The following COL26A1 variants were observed in gnomAD, a reference collection of about 807,000 sequenced individuals.
The protein encoded by COL26A1 is collagen type XXVI alpha 1 chain, also known as collagen alpha-1(XXVI) chain.
COL26A1 carries 41 observed loss-of-function variants against 59.3 expected under a neutral mutation model. The observed-to-expected ratio is 0.69, with a 90% CI of 0.54 to 0.90. The LOEUF is 0.90. COL26A1 is among the 40% of genes least tolerant of loss of function. The pLI, the probability that COL26A1 is intolerant of heterozygous loss-of-function variation, is 0.00. For synonymous variants in COL26A1, 266 were observed against 256.0 expected, an observed-to-expected ratio of 1.04 and a Z score of -0.37; for missense variants, 612 against 602.3, an observed-to-expected ratio of 1.02 and a Z score of -0.17.
At chr7:101,393,049 C>T (rs1791771848) in intron 1 of COL26A1, among the ~76,000 whole-genome samples, 1 of 147,208 alleles carries the variant, frequency 6.8e-6, no homozygotes, top group African/African-American at 2.5e-5. Context: ...ATTGCCCAGG[C>T]TGGAGTGCAG....
intron 11 of COL26A1, among the ~76,000 whole-genome samples, chr7:101,554,226 G>T (rs1562804025): frequency 6.6e-6 from 1 of 152,160 alleles, no homozygotes; most frequent in Non-Finnish European, 1.5e-5. Context: ...GCCTGAGCAG[G>T]GTTTCCCTTG....
At chr7:101,363,623 T>C (rs10248092) in intron 1 of COL26A1, among the ~76,000 whole-genome samples, 72,656 of 132,948 alleles carry the variant, frequency 0.55, 19,138 homozygotes, top group African/African-American at 0.69. Flanking sequence ...GCTGCGGGGC[T>C]GCGGGGTTGC....
At chr7:101,514,202 G>T (rs1004544375) in intron 3 of COL26A1, among the ~76,000 whole-genome samples, 3 of 152,024 alleles carry the variant, frequency 2.0e-5, no homozygotes, top group African/African-American at 7.2e-5. Flanking sequence ...GCCGGGCGTG[G>T]TGGCGGGTGC....
intron 1 of COL26A1, among the ~76,000 whole-genome samples, chr7:101,382,192 G>T (rs1791465386): frequency 6.6e-6 from 1 of 152,074 alleles, no homozygotes; most frequent in Non-Finnish European, 1.5e-5. Context: ...GGGACTGCAG[G>T]TGCATGCTAC....
chr7:101,459,709 G>A (rs116924955), intron 3 of COL26A1, among the ~76,000 whole-genome samples: 7,509 of 152,136 alleles, frequency 0.049, 255 homozygotes, highest in Non-Finnish European at 0.074. Flanking sequence ...TCAACCATCA[G>A]GAGATGATAA....
At chr7:101,536,896 T>C (rs892236471) in intron 4 of COL26A1, among the ~76,000 whole-genome samples, 6 of 152,178 alleles carry the variant, frequency 3.9e-5, no homozygotes, top group African/African-American at 1.4e-4. Context: ...TCACCTTGTA[T>C]GTAAAGGCAG....
rs1794373377 is a variant in COL26A1 at position 101,489,751 on chromosome 7, TGTCTCTCTTTCTTTCTTTCTTTC to T, written c.385+41965_385+41987del. On this transcript the variant is annotated intron_variant, in intron 3 of 12. Coordinates refer to ENST00000313669, the MANE Select transcript of COL26A1 (RefSeq NM_001278563.3). ...TCTCTCTCTTTCTCTCTTTCTTTCTTGTCTCTCTTTCTTTCTTTCTTTCTTTCTTTCTTTCTTTCTTTCTTTCT... is the reference window on the plus strand; with the variant it reads ...TCTCTCTCTTTCTCTCTTTCTTTCTTTTTCTTTCTTTCTTTCTTTCTTTCT... 3.5e-5 allele frequency among the ~76,000 whole-genome samples: 2 copies of T among 57,162 alleles called. 1 individual carries two copies. Among genetic ancestry groups the T allele is most frequent in the African/African-American group, 3.2e-4 (2 of 6,328 alleles). The allele number at this position is 57,162 out of a possible 152,430, so 37.5% of individuals were successfully genotyped here. A position where few individuals can be genotyped will look rare whatever the true frequency, so the allele number is the denominator to read the frequency against.
rs915256077 is a variant in COL26A1 at position 101,520,662 on chromosome 7, A to ACACACACACACACACACACACACACC, written c.386-12419_386-12418insACACACACACACACACACACACACCC. 5.7e-4 allele frequency among the ~76,000 whole-genome samples: 82 copies of ACACACACACACACACACACACACACC among 143,348 alleles called. 1 individual carries two copies. The highest frequency in any genetic ancestry group is 2.0e-3 in the African/African-American group (79 of 38,722). 94.0% of individuals were successfully genotyped at this position (143,348 alleles called of 152,430 possible). ...CACACACACACACACACACACACAC[A>ACACACACACACACACACACACACACC]CCCCCGTGTTCTTGCATGTTTTTGC... On this transcript the variant is annotated intron_variant, in intron 3 of 12. Transcript: ENST00000313669.
intron 3 of COL26A1, among the ~76,000 whole-genome samples, chr7:101,512,994 A>ATTT (rs869218380): frequency 4.3e-5 from 5 of 116,432 alleles, no homozygotes; most frequent in African/African-American, 7.9e-5. Flanking sequence ...CCTTTTTACA[A>ATTT]TTTTATTATT....
chr7:101,519,323 C>A (rs1489284840), intron 3 of COL26A1, among the ~76,000 whole-genome samples: 1 of 152,164 alleles, frequency 6.6e-6, no homozygotes, highest in East Asian at 1.9e-4. Flanking sequence ...TTTAGTTTTT[C>A]CCCTAGAGAC....
chr7:101,386,478 C>G (rs765424680), intron 1 of COL26A1, among the ~76,000 whole-genome samples: 4 of 152,038 alleles, frequency 2.6e-5, no homozygotes, highest in Non-Finnish European at 4.4e-5. Flanking sequence ...TGGAGTGCAG[C>G]GGTGCACCGC....
intron 3 of COL26A1, among the ~76,000 whole-genome samples, chr7:101,532,073 G>A (rs1795380940): frequency 6.6e-6 from 1 of 152,088 alleles, no homozygotes; most frequent in Non-Finnish European, 1.5e-5. Context: ...GACTTCTAGA[G>A]CAATAAAAGC....
chr7:101,502,519 C>G (rs1794726352), intron 3 of COL26A1, among the ~76,000 whole-genome samples: 1 of 152,208 alleles, frequency 6.6e-6, no homozygotes, highest in South Asian at 2.1e-4. Flanking sequence ...TAACAGGTCC[C>G]AGACTCAGAA....
chr7:101,472,965 T>A (rs1478238046), intron 3 of COL26A1, among the ~76,000 whole-genome samples: 3 of 152,244 alleles, frequency 2.0e-5, no homozygotes, highest in Non-Finnish European at 4.4e-5. Context: ...ATTTATTGCC[T>A]GGGCCTCTCA....
chr7:101,494,525 C>A (rs774376462), intron 3 of COL26A1, among the ~76,000 whole-genome samples: 1 of 152,228 alleles, frequency 6.6e-6, no homozygotes, highest in African/African-American at 2.4e-5. Flanking sequence ...TATTTCCTAT[C>A]AAAGTTCACC....
chr7:101,386,258 T>G (rs1051938618), intron 1 of COL26A1, among the ~76,000 whole-genome samples: 2 of 102,140 alleles, frequency 2.0e-5, no homozygotes, highest in African/African-American at 6.5e-5. Flanking sequence ...TCCTAGCTTG[T>G]TTTTTTTTTT....
chr7:101,384,919 G>A (rs1464538177), intron 1 of COL26A1, among the ~76,000 whole-genome samples: 3 of 152,068 alleles, frequency 2.0e-5, no homozygotes, highest in African/African-American at 4.8e-5. Flanking sequence ...AACCACTGGC[G>A]TACATTTAAG....
chr7:101,515,562 G>A (rs1022487604), intron 3 of COL26A1, among the ~76,000 whole-genome samples: 2 of 151,668 alleles, frequency 1.3e-5, no homozygotes, highest in Admixed American at 1.3e-4. Flanking sequence ...GGGATTACAG[G>A]CATGAGCCAC....
chr7:101,388,700 A>T (rs114410009), intron 1 of COL26A1, among the ~76,000 whole-genome samples: 9,350 of 151,614 alleles, frequency 0.062, 664 homozygotes, highest in African/African-American at 0.16. Context: ...ACTAGCTGGG[A>T]CTAGGGGCAC....
Sources: allele counts gnomAD v4.1 joint callset (sites outside exome capture counted in the v4.1 genomes callset), GRCh38; gene constraint gnomAD v4.1.1; transcripts MANE v1.5; gene names NCBI Gene and HGNC (gene_info 2026-07-23, HGNC 2026-07-21).